RSPO4: variants seen among roughly 807,000 people sequenced by gnomAD.
RSPO4 encodes R-spondin 4, also known as R-spondin-4.
RSPO4 carries 23 observed loss-of-function variants against 24.8 expected under a neutral mutation model. The observed-to-expected ratio is 0.93, with a 90% confidence interval of 0.67 to 1.31. The LOEUF (loss-of-function observed/expected upper bound fraction) is 1.31. Among genes scored for constraint, RSPO4 ranks in the 40% most tolerant of loss-of-function variants. The pLI, the probability that RSPO4 is intolerant of heterozygous loss-of-function variation, is 0.00. For synonymous variants in RSPO4, 141 were observed against 127.4 expected (o/e 1.11, Z -0.72); for missense variants, 333 against 316.5 (o/e 1.05, Z -0.39).
chr20:971,057 G>A (rs1984390230), intron 1 of RSPO4, among the ~76,000 whole-genome samples: 1 of 152,178 alleles, frequency 6.6e-6, no homozygotes, highest in South Asian at 2.1e-4. Flanking sequence ...TTCCCAGGCT[G>A]GTCTTGAACT....
rs1434185610 is a variant in RSPO4, at chr20:959,456, T to G, written c.*901A>C. On this transcript the variant is annotated 3_prime_UTR_variant, in exon 5 of 5. Coordinates refer to ENST00000217260, the MANE Select transcript of RSPO4 (RefSeq NM_001029871.4). The stretch of plus-strand genomic sequence containing the variant: ...TGAGGTGGGGAACAGAGCTGCTGGA[T>G]AATCTCAGCTTTCCTTTCCGTTTCA... The G allele has an allele frequency of 6.6e-6, 1 of 152,456 alleles. No individual in the cohort carries two copies. Among genetic ancestry groups the G allele is most frequent in the African/African-American group, 2.4e-5 (1 of 41,476 alleles). 9.4% of individuals were successfully genotyped at this position (152,456 alleles called of 1,614,324 possible).
chr20:974,730 G>A (rs1486423420), intron 1 of RSPO4, among the ~76,000 whole-genome samples: 2 of 152,136 alleles, frequency 1.3e-5, no homozygotes, highest in Non-Finnish European at 2.9e-5. Flanking sequence ...GAGCTGGTGG[G>A]TGCCACATGA....
chr20:992,580 T>C (rs1985145687), intron 1 of RSPO4, among the ~76,000 whole-genome samples: 1 of 152,144 alleles, frequency 6.6e-6, no homozygotes, highest in Non-Finnish European at 1.5e-5. Context: ...AAACACTGAC[T>C]GTCTTCCAGG....
intron 1 of RSPO4, among the ~76,000 whole-genome samples, chr20:986,655 G>C (rs1342199036): frequency 1.9e-5 from 2 of 106,868 alleles, no homozygotes; most frequent in Non-Finnish European, 3.5e-5. Context: ...CATTGGGGGT[G>C]GGGGGTGGGG....
chr20:988,079 G>A (rs1984977657), intron 1 of RSPO4, among the ~76,000 whole-genome samples: 1 of 152,234 alleles, frequency 6.6e-6, no homozygotes, highest in African/African-American at 2.4e-5. Flanking sequence ...CACTCTTGGC[G>A]GAGGGACCAG....
intron 1 of RSPO4, among the ~76,000 whole-genome samples, chr20:984,968 T>C (rs1467114382): frequency 1.4e-4 from 14 of 98,880 alleles, no homozygotes; most frequent in Admixed American, 3.2e-4. Flanking sequence ...CCCACCCATC[T>C]ATCCATCCAC....
intron 1 of RSPO4, among the ~76,000 whole-genome samples, chr20:995,545 AG>A (rs1357044412): frequency 6.7e-6 from 1 of 149,384 alleles, no homozygotes; most frequent in Non-Finnish European, 1.5e-5. Flanking sequence ...TCCACCTTCC[AG>A]GAGCTAAAAT....
chr20:968,005 G>T lies in RSPO4; in HGVS notation c.213C>A (p.His71Gln). ...TGCCGAAGTACCCAGGGGGACAGTC[G>T]TGCAGGCACTTGCCGTACTGGCGGA... The part of the protein sequence containing the change: ...EGIRQYGKCL[H>Q]DCPPGYFGIR... Residue 71 changes from histidine (H) to glutamine (Q), a missense_variant, in exon 2 of 5, where the codon CAC becomes CAA. Physicochemically the swap from His to Gln is conservative, Grantham distance 24 (BLOSUM62 0). Transcript: ENST00000217260. 6.2e-7 allele frequency: 1 copy of T among 1,614,254 alleles called. No individual in the cohort carries two copies. The highest frequency in any genetic ancestry group is 2.2e-5 in the East Asian group (1 of 44,886).
At chr20:1,000,714 C>A (rs1034673399) in intron 1 of RSPO4, among the ~76,000 whole-genome samples, 9 of 152,286 alleles carry the variant, frequency 5.9e-5, no homozygotes, top group Non-Finnish European at 1.2e-4. Context: ...GCTCCAGAGC[C>A]CATGCCCCTA....
In RSPO4 at chr20:1,002,196, A is replaced by G. The variant is rs1346836809; in HGVS notation, c.-32T>C. On this transcript the variant is annotated 5_prime_UTR_variant, in exon 1 of 5. Transcript: ENST00000217260. The surrounding 1 kb of genome is among the most constrained non-coding windows in gnomAD (Gnocchi z 4.6). ...AGCCGGATCCGGGCTGGCGCTCCCC[A>G]GGCGGCCCGACGGCCCAAGGGCCCC... 5.4e-6 allele frequency: 8 copies of G among 1,494,214 alleles called. No homozygotes were observed. Among genetic ancestry groups the G allele is most frequent in the Non-Finnish European group, 7.1e-6 (8 of 1,120,986 alleles). 92.6% of individuals were successfully genotyped at this position (1,494,214 alleles called of 1,614,324 possible).
At chr20:969,542 G>A (rs1387412593) in intron 1 of RSPO4, among the ~76,000 whole-genome samples, 3 of 152,190 alleles carry the variant, frequency 2.0e-5, no homozygotes, top group African/African-American at 7.2e-5. Flanking sequence ...ACAGAGAAAG[G>A]AGACCAGGAG....
rs377681254 is a variant in RSPO4, at chr20:1,001,711, G to C, written c.79+375C>G. On this transcript the variant is annotated intron_variant, in intron 1 of 4. Transcript: ENST00000217260. Reference sequence around the variant, plus strand: ...TCTATGTCACTTCCTGGCCGAGCATGGATGCTTGGAATGGCTTCTACGCCA... The same window carrying C: ...TCTATGTCACTTCCTGGCCGAGCATCGATGCTTGGAATGGCTTCTACGCCA... Among the ~76,000 whole-genome samples, 4 of 152,286 alleles carry C rather than the reference G, an allele frequency of 2.6e-5. No homozygotes were observed. In the South Asian group the frequency reaches 8.3e-4, roughly 32 times the overall value.
intron 4 of RSPO4, among the ~76,000 whole-genome samples, chr20:961,984 C>T (rs1568901787): frequency 1.3e-5 from 2 of 152,092 alleles, no homozygotes; most frequent in Admixed American, 6.6e-5. Context: ...TCCCATCTAC[C>T]CTCCTATCCA....
chr20:996,344 T>C (rs1985289038), intron 1 of RSPO4, among the ~76,000 whole-genome samples: 1 of 152,188 alleles, frequency 6.6e-6, no homozygotes, highest in Admixed American at 6.5e-5. Flanking sequence ...AACTTTAAAC[T>C]AATGGGAGCT....
Position 1,002,289 on chromosome 20 carries a change from G to C in RSPO4, c.-125C>G, listed in dbSNP as rs1254755351. 15 of 365,286 alleles carry C rather than the reference G, an allele frequency of 4.1e-5. No individual in the cohort carries two copies. The highest frequency in any genetic ancestry group is 5.8e-5 in the Admixed American group (1 of 17,308). 22.6% of individuals were successfully genotyped at this position (365,286 alleles called of 1,614,324 possible). A position where few individuals can be genotyped will look rare whatever the true frequency, so the allele number is the denominator to read the frequency against. ...CGCGCCGGGCGCATCCGCCAGGCGCGGGTCGGTCCGGCCGCCAGGTCTAGT... is the reference window on the plus strand; with the variant it reads ...CGCGCCGGGCGCATCCGCCAGGCGCCGGTCGGTCCGGCCGCCAGGTCTAGT... On this transcript the variant is annotated 5_prime_UTR_variant, in exon 1 of 5. Coordinates refer to ENST00000217260, the MANE Select transcript of RSPO4 (RefSeq NM_001029871.4). The surrounding 1 kb of genome is among the most constrained non-coding windows in gnomAD (Gnocchi z 4.6).
At chr20:964,215 T>C in intron 3 of RSPO4, 95 bp from the exon 4 acceptor site, 1 of 973,834 alleles carries the variant, frequency 1.0e-6, no homozygotes, top group South Asian at 1.7e-5. Flanking sequence ...AGGGGTTCAG[T>C]CCTCTGAAGA....
At position 960,370 on chromosome 20, in the gene RSPO4, C is replaced by A. The variant is rs1417342824; in HGVS notation, c.692G>T (p.Gly231Val). ...RRLDVRPRQP[G>V]LQP ...GAGAGCCGGCGGTCAGGGCTGCAGG[C>A]CGGGCTGGCGCGGCCTCACGTCCAG... The change falls in exon 5 of 5, where the codon GGC (glycine) becomes GTC (valine). Residue 231 changes from glycine to valine, a missense_variant. Physicochemically the swap from Gly to Val is moderately radical, Grantham distance 109. Transcript: ENST00000217260. 6 of 1,536,850 alleles carry A rather than the reference C, an allele frequency of 3.9e-6. No homozygotes were observed. Among genetic ancestry groups the A allele is most frequent in the South Asian group, 3.6e-5 (3 of 84,020 alleles).
intron 1 of RSPO4, among the ~76,000 whole-genome samples, chr20:978,005 A>G (rs931569760): frequency 6.6e-6 from 1 of 152,168 alleles, no homozygotes; most frequent in Admixed American, 6.5e-5. Context: ...CCCCCAGCAC[A>G]TTTCTGCCTA....
intron 1 of RSPO4, among the ~76,000 whole-genome samples, chr20:1,000,086 C>G (rs1985416522): frequency 3.3e-5 from 5 of 152,104 alleles, no homozygotes; most frequent in Admixed American, 3.3e-4. Context: ...CCAGGCTGGT[C>G]TCAAACTCCT....
Sources: allele counts gnomAD v4.1 joint callset (sites outside exome capture counted in the v4.1 genomes callset), GRCh38; gene constraint gnomAD v4.1.1; non-coding constraint Gnocchi (gnomAD v3.1); transcripts MANE v1.5; gene names NCBI Gene and HGNC (gene_info 2026-07-23, HGNC 2026-07-21).